FAM184A: variants seen among roughly 807,000 people sequenced by gnomAD.
The protein encoded by FAM184A is family with sequence similarity 184 member A.
FAM184A carries 99 observed loss-of-function variants against 143.8 expected under a neutral mutation model. The observed-to-expected ratio is 0.69, with a 90% CI of 0.58 to 0.81. FAM184A has a LOEUF of 0.81. Among genes scored for constraint, FAM184A ranks in the 40% least tolerant of loss-of-function variants. The pLI is 0.00. For synonymous variants in FAM184A, 427 were observed against 446.4 expected (o/e 0.96, Z 0.55); for missense variants, 1,217 against 1,310.5 (o/e 0.93, Z 1.10).
At chr6:119,090,478 T>C (rs193004436) in intron 1 of FAM184A, among the ~76,000 whole-genome samples, 3 of 152,312 alleles carry the variant, frequency 2.0e-5, no homozygotes, top group Admixed American at 1.3e-4. Flanking sequence ...GCATAGGAAC[T>C]GTCCAACACC....
chr6:119,007,656 T>C (rs1052484908), intron 6 of FAM184A, among the ~76,000 whole-genome samples: 8 of 152,202 alleles, frequency 5.3e-5, no homozygotes, highest in African/African-American at 1.9e-4. Context: ...AATAGTATTC[T>C]AGGGCTGGGC....
intron 13 of FAM184A, 103 bp downstream of exon 13, chr6:118,974,921 A>G: frequency 4.7e-6 from 4 of 855,112 alleles, no homozygotes; most frequent in Non-Finnish European, 1.8e-6. Flanking sequence ...ATATTTTACT[A>G]GAGAGCCAGT....
At chr6:119,131,959 G>T (rs1241066009) in intron 1 of FAM184A, among the ~76,000 whole-genome samples, 1 of 152,158 alleles carries the variant, frequency 6.6e-6, no homozygotes, top group Non-Finnish European at 1.5e-5. Flanking sequence ...TGGAAAAGAG[G>T]TTATATGAGA....
rs1785048620 is a variant in FAM184A, at chr6:119,010,198, G to C, written c.1653+1111C>G. Among the ~76,000 whole-genome samples the C allele has an allele frequency of 2.0e-5, 3 of 152,146 alleles. 1 individual carries two copies. In the South Asian group the frequency reaches 6.2e-4, roughly 31 times the overall value. ...CTATACTTCTTCTACTATAAACAGT[G>C]CTGAAATTTTGTCAACAATCCGTAG... On this transcript the variant is annotated intron_variant, in intron 6 of 17. Coordinates refer to ENST00000338891, the MANE Select transcript of FAM184A (RefSeq NM_024581.6).
At chr6:119,112,133 C>T (rs1458832415) in intron 1 of FAM184A, among the ~76,000 whole-genome samples, 1 of 150,700 alleles carries the variant, frequency 6.6e-6, no homozygotes, top group Non-Finnish European at 1.5e-5. Flanking sequence ...TCTTTTCTTT[C>T]TTTCTTTTTT....
chr6:119,061,225 G>A (rs369181613), intron 1 of FAM184A, among the ~76,000 whole-genome samples: 42 of 152,286 alleles, frequency 2.8e-4, no homozygotes, highest in Non-Finnish European at 5.3e-4. Flanking sequence ...TTGCGGTATC[G>A]GAAAGCTAGA....
intron 1 of FAM184A, among the ~76,000 whole-genome samples, chr6:119,112,571 T>G (rs1390570858): frequency 1.3e-5 from 2 of 152,228 alleles, no homozygotes; most frequent in African/African-American, 4.8e-5. Context: ...GTCTCCTTTA[T>G]CCTTTTCACT....
chr6:118,974,449 A>T lies in FAM184A; in HGVS notation c.2894T>A (p.Ile965Lys). 2 of 1,609,630 alleles carry T rather than the reference A, an allele frequency of 1.2e-6. No homozygotes were observed. The highest frequency in any genetic ancestry group is 1.7e-6 in the Non-Finnish European group (2 of 1,177,958). The change falls in exon 14 of 18, where the codon ATA becomes AAA. Residue 965 changes from isoleucine to lysine, a missense_variant. Ile to Lys is a moderately radical substitution (Grantham distance 102). Coordinates refer to ENST00000338891, the MANE Select transcript of FAM184A (RefSeq NM_024581.6). ...TTACGACACTTGTAAAGCGGCATTTATTTCCTTGAGTAGCTCGTTAGTCTT... is the reference window on the plus strand; with the variant it reads ...TTACGACACTTGTAAAGCGGCATTTTTTTCCTTGAGTAGCTCGTTAGTCTT... ...FNKTNELLKE[I>K]NAALQVSLEE...
At chr6:119,042,530 T>A (rs370733930) in intron 1 of FAM184A, among the ~76,000 whole-genome samples, 74 of 152,256 alleles carry the variant, frequency 4.9e-4, no homozygotes, top group African/African-American at 1.6e-3. Flanking sequence ...AAGACTGAAG[T>A]TGCCGTGGAC....
At chr6:119,098,419 G>A (rs1788563085) in intron 1 of FAM184A, among the ~76,000 whole-genome samples, 1 of 152,168 alleles carries the variant, frequency 6.6e-6, no homozygotes, top group Non-Finnish European at 1.5e-5. Context: ...GGCAGCTCAC[G>A]CTTAAGACCC....
chr6:119,094,068 TTCTTTC>T (rs1788444088), intron 1 of FAM184A, among the ~76,000 whole-genome samples: 1 of 149,740 alleles, frequency 6.7e-6, no homozygotes, highest in Non-Finnish European at 1.5e-5. Flanking sequence ...TCCTTTCTTT[TTCTTTC>T]TCTCTCTCTT....
At chr6:119,040,782 A>G (rs998561669) in intron 1 of FAM184A, among the ~76,000 whole-genome samples, 1 of 152,166 alleles carries the variant, frequency 6.6e-6, no homozygotes, top group Non-Finnish European at 1.5e-5. Context: ...CCACCTGCAC[A>G]GACCTTCAAT....
intron 1 of FAM184A, among the ~76,000 whole-genome samples, chr6:119,049,166 C>G (rs1068588): frequency 0.85 from 129,873 of 152,288 alleles, 55,521 homozygotes; most frequent in East Asian, 0.96. Context: ...CAGACACATA[C>G]GCCAGGCGCG....
chr6:119,079,638 T>A (rs12214184), upstream of FAM184A, among the ~76,000 whole-genome samples: 19,166 of 152,238 alleles, frequency 0.13, 1,602 homozygotes, highest in African/African-American at 0.22. Context: ...CCTGTTTTTT[T>A]AAAAATCGTA....
chr6:119,022,932 T>C lies in FAM184A; in HGVS notation c.1150+13A>G, dbSNP rs760753544. ...TAGCTAAGCATTACATCAAAAACTG[T>C]GGTCACACATACTAGCTTTGAGGAC... is the stretch of plus-strand genomic sequence containing the variant. On this transcript the variant is annotated intron_variant, in intron 3 of 17. Transcript: ENST00000338891. 4 of 1,613,630 alleles carry C rather than the reference T, an allele frequency of 2.5e-6. No homozygotes were observed. Among genetic ancestry groups the C allele is most frequent in the East Asian group, 4.5e-5 (2 of 44,874 alleles).
chr6:118,962,283 G>A, intron 16 of FAM184A: 2 of 283,888 alleles, frequency 7.0e-6, no homozygotes, highest in African/African-American at 2.2e-5. Context: ...GAAGAAAAGG[G>A]AAAAAGGATT....
Position 118,980,356 on chromosome 6 carries a change from C to T in FAM184A, c.2089-6G>A. ...TTCTGTTTCAGCAAGGAAATCTATG[C>T]CCCAGAATGGTACACAATGAAGAAT... On this transcript the variant is annotated splice_polypyrimidine_tract_variant and splice_region_variant and intron_variant, in intron 9 of 17. Coordinates refer to ENST00000338891, the MANE Select transcript of FAM184A (RefSeq NM_024581.6). 1.9e-6 allele frequency: 3 copies of T among 1,610,244 alleles called. No homozygotes were observed. The highest frequency in any genetic ancestry group is 1.1e-5 in the South Asian group (1 of 90,740).
intron 14 of FAM184A, among the ~76,000 whole-genome samples, chr6:118,972,042 C>A (rs919233372): frequency 6.6e-6 from 1 of 152,138 alleles, no homozygotes; most frequent in Non-Finnish European, 1.5e-5. Context: ...ATCCCCTAGT[C>A]CTTGGGAACA....
intron 14 of FAM184A, among the ~76,000 whole-genome samples, chr6:118,972,579 G>C (rs1783728036): frequency 6.6e-6 from 1 of 152,026 alleles, no homozygotes; most frequent in Non-Finnish European, 1.5e-5. Flanking sequence ...TTACTTAAAA[G>C]CAAATACTAA....
Sources: gnomAD v4.1 joint callset for allele counts (sites outside exome capture counted in the v4.1 genomes callset) on GRCh38, gnomAD v4.1.1 for gene constraint, MANE v1.5 for transcripts, NCBI Gene and HGNC (gene_info 2026-07-23, HGNC 2026-07-21) for gene names.